Variants in NECAP1 observed in about 807,000 individuals in gnomAD.
NECAP1 encodes adaptin ear-binding coat-associated protein 1.
NECAP1 carries 13 observed loss-of-function variants against 33.4 expected under a neutral mutation model. The ratio of observed to expected loss-of-function variants is 0.39; its 90% CI spans 0.25 to 0.62. The LOEUF is 0.62. Among genes scored for constraint, NECAP1 ranks in the 20% least tolerant of loss-of-function variants. The pLI, the probability that NECAP1 is intolerant of heterozygous loss-of-function variation, is 0.52. For missense variants in NECAP1, 272 were observed against 347.4 expected (o/e 0.78, Z 1.73); for synonymous variants, 109 against 125.2 (o/e 0.87, Z 0.86).
intron 1 of NECAP1, among the ~76,000 whole-genome samples, chr12:8,086,333 C>G (rs1270113657): frequency 6.6e-6 from 1 of 152,172 alleles, no homozygotes; most frequent in Non-Finnish European, 1.5e-5. Context: ...ACTTATCAGG[C>G]TGAGTGCGGT....
intron 1 of NECAP1, among the ~76,000 whole-genome samples, chr12:8,085,562 T>G (rs756227959): frequency 6.6e-6 from 1 of 152,304 alleles, no homozygotes; most frequent in African/African-American, 2.4e-5. Context: ...CGGAATTAAG[T>G]TTGAATAACG....
chr12:8,092,513 T>C (rs943009515), intron 4 of NECAP1, 163 bp from the exon 5 acceptor site: 4 of 578,124 alleles, frequency 6.9e-6, no homozygotes, highest in Middle Eastern at 9.3e-4. Flanking sequence ...TGAACCCCAG[T>C]TGTTTTCTTT....
chr12:8,094,836 C>T (rs974063781), intron 6 of NECAP1: 14 of 152,216 alleles, frequency 9.2e-5, no homozygotes, highest in African/African-American at 3.4e-4. Flanking sequence ...ACAGTTTAAT[C>T]ACTACAAAGA....
chr12:8,086,311 G>A (rs556751909), intron 1 of NECAP1, among the ~76,000 whole-genome samples: 20 of 152,198 alleles, frequency 1.3e-4, no homozygotes, highest in African/African-American at 4.8e-4. Context: ...GGAAAATTTG[G>A]GTTGACAAGA....
chr12:8,090,566 T>C lies in NECAP1; in HGVS notation c.301+267T>C, dbSNP rs777078646. 24 of 339,538 alleles carry C rather than the reference T, an allele frequency of 7.1e-5. No homozygotes were observed. In the East Asian group the frequency reaches 1.4e-3, roughly 19 times the overall value. The allele number at this position is 339,538 out of a possible 1,614,324, so 21.0% of individuals were successfully genotyped here. ...AAATGAATTAACACATTTGGCACTT[T>C]AGGAGGCCGAGGTGGGTGGATCACC... On this transcript the variant is annotated intron_variant, in intron 3 of 7. Transcript: ENST00000339754.
At position 8,097,399 on chromosome 12, in the gene NECAP1, G is replaced by T. The variant is rs140933749; in HGVS notation, c.*1309G>T. ...TGCACCTATTGGGTATGTACACTCTGGCCGAAGGGAGTCCTTATGTTTAGT... is the reference window on the plus strand; with the variant it reads ...TGCACCTATTGGGTATGTACACTCTTGCCGAAGGGAGTCCTTATGTTTAGT... On this transcript the variant is annotated 3_prime_UTR_variant, in exon 8 of 8. Transcript: ENST00000339754. The T allele has an allele frequency of 6.5e-6, 1 of 152,720 alleles. No homozygotes were observed. Among genetic ancestry groups the T allele is most frequent in the Non-Finnish European group, 1.5e-5 (1 of 68,030 alleles). The allele number at this position is 152,720 out of a possible 1,614,324, so 9.5% of individuals were successfully genotyped here. A position where few individuals can be genotyped will look rare whatever the true frequency, so the allele number is the denominator to read the frequency against.
In NECAP1 at chr12:8,096,192, A is replaced by G. The variant is rs1446984481; in HGVS notation, c.*102A>G. 1.4e-5 allele frequency: 16 copies of G among 1,177,368 alleles called. No homozygotes were observed. In the East Asian group the frequency reaches 2.7e-4, roughly 20 times the overall value. 72.9% of individuals were successfully genotyped at this position (1,177,368 alleles called of 1,614,324 possible). A position where few individuals can be genotyped will look rare whatever the true frequency, so the allele number is the denominator to read the frequency against. ...AGGAACCCATTTCCTCCCCAGAACC[A>G]GAATGACTGGACAATCTTTTTCATA... On this transcript the variant is annotated 3_prime_UTR_variant, in exon 8 of 8. Transcript: ENST00000339754.
At position 8,096,461 on chromosome 12, in the gene NECAP1, C is replaced by G. The variant is rs1947595570; in HGVS notation, c.*371C>G. 1 of 168,360 alleles carries G rather than the reference C, an allele frequency of 5.9e-6. No homozygotes were observed. The allele number at this position is 168,360 out of a possible 1,614,324, so 10.4% of individuals were successfully genotyped here. ...AACTTATTTCAAAATCATCTCATGA[C>G]CCTTGTGTGCCTCTTTGTGAAGCCC... On this transcript the variant is annotated 3_prime_UTR_variant, in exon 8 of 8. Transcript: ENST00000339754.
Position 8,082,311 on chromosome 12 carries a change from A to G in NECAP1, c.23A>G (p.Glu8Gly). 6.2e-7 allele frequency: 1 copy of G among 1,612,444 alleles called. No individual in the cohort carries two copies. Among genetic ancestry groups the G allele is most frequent in the Admixed American group, 1.7e-5 (1 of 60,008 alleles). MATELEYESVLCVKPDVS... is the reference protein window; with the variant it reads MATELEYGSVLCVKPDVS... ...AAGATGGCGACCGAGTTGGAGTACG[A>G]GTCTGTGCTGTGTGTGAAGCCAGAC... The change falls in exon 1 of 8, where the codon GAG becomes GGG. Residue 8 changes from glutamate (E) to glycine (G), a missense_variant. Coordinates refer to ENST00000339754, the MANE Select transcript of NECAP1 (RefSeq NM_015509.4).
At chr12:8,086,441 C>T (rs1023209258) in intron 1 of NECAP1, among the ~76,000 whole-genome samples, 3 of 151,732 alleles carry the variant, frequency 2.0e-5, no homozygotes, top group African/African-American at 4.8e-5. Flanking sequence ...GGTGAAACCC[C>T]GTCTCTACAA....
chr12:8,083,421 C>CTTTTTTTTTTTTTT (rs71042328), intron 1 of NECAP1, among the ~76,000 whole-genome samples: 26 of 65,840 alleles, frequency 3.9e-4, no homozygotes, highest in African/African-American at 4.4e-4. Flanking sequence ...TTTGTTTGTT[C>CTTTTTTTTTTTTTT]TTTTTTTTTT....
chr12:8,084,458 T>C (rs1005559263), intron 1 of NECAP1, among the ~76,000 whole-genome samples: 1 of 152,116 alleles, frequency 6.6e-6, no homozygotes, highest in Non-Finnish European at 1.5e-5. Context: ...TTACTTTAAG[T>C]TCTGGGATAC....
Position 8,085,269 on chromosome 12 carries a change from T to C in NECAP1, c.95+2886T>C, listed in dbSNP as rs764822022. 4.3e-4 allele frequency among the ~76,000 whole-genome samples: 66 copies of C among 152,258 alleles called. 1 individual carries two copies. Among genetic ancestry groups the C allele is most frequent in the African/African-American group, 1.4e-3 (58 of 41,580 alleles). ...TCTTGACCTCGTGATCCGCCTGCCT[T>C]GGCCTCCCAAAGTGCTGGGATTACA... On this transcript the variant is annotated intron_variant, in intron 1 of 7. Coordinates refer to ENST00000339754, the MANE Select transcript of NECAP1 (RefSeq NM_015509.4).
rs2120477024 is a variant in NECAP1, at chr12:8,090,253, G to A, written c.255G>A (p.Val85=). 2 of 1,614,180 alleles carry A rather than the reference G, an allele frequency of 1.2e-6. No homozygotes were observed. Among genetic ancestry groups the A allele is most frequent in the East Asian group, 2.2e-5 (1 of 44,876 alleles). ...ATCCTGGTATTGCTGTGGAGACGGTGACAGATTCTAGCCGCTACTTTGTAA... is the reference window on the plus strand; with the variant it reads ...ATCCTGGTATTGCTGTGGAGACGGTAACAGATTCTAGCCGCTACTTTGTAA... ...EQYPGIAVET[V]TDSSRYFVIR... The change falls in exon 3 of 8, where the codon GTG becomes GTA. Residue 85 remains valine, a synonymous_variant. Coordinates refer to ENST00000339754, the MANE Select transcript of NECAP1 (RefSeq NM_015509.4).
At chr12:8,089,812 G>A (rs7972899) in intron 1 of NECAP1, 124 bp from the exon 2 acceptor site, 31,997 of 736,244 alleles carry the variant, frequency 0.043, 2,470 homozygotes, top group African/African-American at 0.25. Flanking sequence ...AATTATTCTT[G>A]TTGATTAATA....
intron 1 of NECAP1, 85 bp downstream of exon 1, chr12:8,082,468 C>G (rs1300617008): frequency 1.6e-6 from 2 of 1,217,550 alleles, no homozygotes; most frequent in Non-Finnish European, 2.4e-6. Context: ...TCCGTCCCTG[C>G]CACTACTACC....
chr12:8,089,814 T>C (rs1947525664), intron 1 of NECAP1, 122 bp from the exon 2 acceptor site: 8 of 743,660 alleles, frequency 1.1e-5, no homozygotes, highest in East Asian at 2.4e-5. Context: ...TTATTCTTGT[T>C]GATTAATAGG....
Position 8,085,686 on chromosome 12 carries a change from C to CT in NECAP1, c.95+3332dup, listed in dbSNP as rs554942626. ...TTGTAGGATCCTCTCACTTAATCTT[C>CT]TTTTTTTTTTTTTTTTTTTTTTTTT... is the stretch of plus-strand genomic sequence containing the variant. On this transcript the variant is annotated intron_variant, in intron 1 of 7. Coordinates refer to ENST00000339754, the MANE Select transcript of NECAP1 (RefSeq NM_015509.4). Among the ~76,000 whole-genome samples, 249 of 104,826 alleles carry CT rather than the reference C, an allele frequency of 2.4e-3. 24 individuals carry two copies. Among genetic ancestry groups the CT allele is most frequent in the African/African-American group, 9.7e-3 (230 of 23,824 alleles). 68.8% of individuals were successfully genotyped at this position (104,826 alleles called of 152,430 possible).
rs750767617 is a variant in NECAP1, at chr12:8,082,477, C to T, written c.95+94C>T. On this transcript the variant is annotated intron_variant, in intron 1 of 7. Transcript: ENST00000339754. ...ACGCTGTCCGTCCCTGCCACTACTACCTCTGTATTGTCACCTTGCTAGCCT... is the reference window on the plus strand; with the variant it reads ...ACGCTGTCCGTCCCTGCCACTACTATCTCTGTATTGTCACCTTGCTAGCCT... 1.2e-5 allele frequency: 14 copies of T among 1,143,770 alleles called. No individual in the cohort carries two copies. The South Asian group carries it at 1.7e-4, about 14-fold the overall frequency. The allele number at this position is 1,143,770 out of a possible 1,614,324, so 70.9% of individuals were successfully genotyped here. A position where few individuals can be genotyped will look rare whatever the true frequency, so the allele number is the denominator to read the frequency against.
Sources: gnomAD v4.1 joint callset for allele counts (sites outside exome capture counted in the v4.1 genomes callset) on GRCh38, gnomAD v4.1.1 for gene constraint, MANE v1.5 for transcripts, NCBI Gene and HGNC (gene_info 2026-07-23, HGNC 2026-07-21) for gene names.